TP63: variants seen among roughly 807,000 people sequenced by gnomAD.
TP63 encodes tumor protein p63.
In TP63, 17 loss-of-function variants were observed where a neutral mutation model predicts 82.8. The observed-to-expected ratio is 0.21, with a 90% CI of 0.14 to 0.31. The LOEUF is 0.31. Among genes scored for constraint, TP63 ranks in the 10% least tolerant of loss-of-function variants. TP63 has a pLI of 1.00. For missense variants in TP63, 648 were observed against 895.3 expected, an observed-to-expected ratio of 0.72 and a Z score of 3.52; for synonymous variants, 330 against 321.7, an observed-to-expected ratio of 1.03 and a Z score of -0.28.
chr3:189,864,405 T>C lies in TP63; in HGVS notation c.753T>C (p.Arg251=), dbSNP rs772334168. 5.6e-6 allele frequency: 9 copies of C among 1,613,138 alleles called. No individual in the cohort carries two copies. In the Admixed American group the frequency reaches 1.2e-4, roughly 21 times the overall value. The change falls in exon 5 of 14, where the codon CGT becomes CGC. Residue 251 remains arginine, a synonymous_variant. Transcript: ENST00000264731. ...GGTGCCCCAACCATGAGCTGAGCCG[T>C]GAATTCAACGAGGGTAAGCAGAATT... ...VKRCPNHELS[R]EFNEGQIAPP...
Position 189,889,350 on chromosome 3 carries a change from G to A in TP63, c.1518G>A (p.Met506Ile), listed in dbSNP as rs1419776229. 5.0e-6 allele frequency: 8 copies of A among 1,614,020 alleles called. No individual in the cohort carries two copies. Among genetic ancestry groups the A allele is most frequent in the Non-Finnish European group, 6.8e-6 (8 of 1,180,014 alleles). Reference protein sequence around the residue: ...PDGMGANIPMMGTHMPMAGDM... With the variant: ...PDGMGANIPMIGTHMPMAGDM... The stretch of plus-strand genomic sequence containing the variant: ...CCTGCTTCTGTTCAGTTCCCATGAT[G>A]GGCACCCACATGCCAATGGCTGGAG... The change falls in exon 12 of 14, where the codon ATG (methionine) becomes ATA (isoleucine). Residue 506 changes from methionine to isoleucine, a missense_variant. This residue lies in a region of TP63 where 342 missense variants were observed against 425.7 expected (regional missense o/e 0.80). Transcript: ENST00000264731.
At chr3:189,723,209 C>G (rs1398072384) in intron 1 of TP63, among the ~76,000 whole-genome samples, 3 of 152,174 alleles carry the variant, frequency 2.0e-5, no homozygotes, top group Non-Finnish European at 2.9e-5. Context: ...CTCCTTCTCA[C>G]CATTACAGAT....
chr3:189,733,315 C>A (rs1311426244), intron 1 of TP63, among the ~76,000 whole-genome samples: 1 of 152,198 alleles, frequency 6.6e-6, no homozygotes, highest in African/African-American at 2.4e-5. Context: ...ACACTCTTTT[C>A]TGAATCTGCC....
chr3:189,896,976 C>CTT lies in TP63; in HGVS notation c.*2483_*2484dup. 6 of 213,816 alleles carry CTT rather than the reference C, an allele frequency of 2.8e-5. No individual in the cohort carries two copies. Among genetic ancestry groups the CTT allele is most frequent in the Non-Finnish European group, 5.6e-5 (6 of 107,162 alleles). The allele number at this position is 213,816 out of a possible 1,614,324, so 13.2% of individuals were successfully genotyped here. ...CAGAGTTTTCATTAAATCCTTTTAC[C>CTT]TTTTTTTTTTCTTGGTAATCCCCTA... is the stretch of plus-strand genomic sequence containing the variant. On this transcript the variant is annotated 3_prime_UTR_variant, in exon 14 of 14. Transcript: ENST00000264731.
intron 3 of TP63, among the ~76,000 whole-genome samples, chr3:189,799,062 T>A (rs1020517930): frequency 1.3e-5 from 2 of 152,130 alleles, no homozygotes; most frequent in Admixed American, 1.3e-4. Context: ...ATGCCTATAG[T>A]CTAACAAGAT....
chr3:189,683,362 G>A (rs1220609006), intron 1 of TP63, among the ~76,000 whole-genome samples: 1 of 152,106 alleles, frequency 6.6e-6, no homozygotes, highest in Non-Finnish European at 1.5e-5. Flanking sequence ...GTCAGTATGT[G>A]GCAGAGCTAA....
At position 189,689,692 on chromosome 3, in the gene TP63, A is replaced by G. The variant is rs182743114; in HGVS notation, c.63-48048A>G. On this transcript the variant is annotated intron_variant, in intron 1 of 13. Transcript: ENST00000264731. ...AAAAAAGGATAGGTAACATTGGTCT[A>G]TGTCCTAGATTACTGCTCATTGTGG... Among the ~76,000 whole-genome samples the G allele has an allele frequency of 2.0e-4, 31 of 152,266 alleles. No homozygotes were observed. In the East Asian group the frequency reaches 3.5e-3, roughly 17 times the overall value.
At position 189,894,264 on chromosome 3, in the gene TP63, T is replaced by A. The variant is rs760032006; in HGVS notation, c.1805T>A (p.Leu602Gln). The A allele has an allele frequency of 6.2e-6, 10 of 1,613,872 alleles. No homozygotes were observed. Among genetic ancestry groups the A allele is most frequent in the Non-Finnish European group, 8.5e-6 (10 of 1,179,982 alleles). The change falls in exon 14 of 14, where the codon CTG becomes CAG. Residue 602 changes from leucine to glutamine, a missense_variant. Physicochemically the swap from Leu to Gln is moderately radical, Grantham distance 113 (BLOSUM62 -2). This residue lies in a region of TP63 where 342 missense variants were observed against 425.7 expected (regional missense o/e 0.80). Transcript: ENST00000264731. ...QFRHAIWKGILDHRQLHEFSS... is the reference protein window; with the variant it reads ...QFRHAIWKGIQDHRQLHEFSS... ...CGACATGCGATCTGGAAGGGCATCC[T>A]GGACCACCGGCAGCTCCACGAATTC...
At chr3:189,623,303 AC>A in the TP63 span, among the ~76,000 whole-genome samples, 1 of 152,174 alleles carries the variant, frequency 6.6e-6, no homozygotes, top group Non-Finnish European at 1.5e-5. Flanking sequence ...ATGGGCTCAA[AC>A]TAACCAAGGG....
chr3:189,853,853 CTA>C (rs955927484), intron 4 of TP63, among the ~76,000 whole-genome samples: 1 of 152,156 alleles, frequency 6.6e-6, no homozygotes, highest in Non-Finnish European at 1.5e-5. Flanking sequence ...GTTAATTGTT[CTA>C]TCTCTGTAAT....
rs138461495 is a variant in TP63 at position 189,699,514 on chromosome 3, G to A, written c.63-38226G>A. The stretch of plus-strand genomic sequence containing the variant: ...TGATTCTAAAACATTGAGCCTGAAT[G>A]CAAGTACCATCAGCCCATCATCCAG... On this transcript the variant is annotated intron_variant, in intron 1 of 13. Coordinates refer to ENST00000264731, the MANE Select transcript of TP63 (RefSeq NM_003722.5). 2.0e-3 allele frequency among the ~76,000 whole-genome samples: 306 copies of A among 152,258 alleles called. 2 individuals are homozygous for A. The highest frequency in any genetic ancestry group is 3.0e-3 in the Non-Finnish European group (207 of 68,014).
chr3:189,862,623 G>T (rs1230712800), intron 4 of TP63, among the ~76,000 whole-genome samples: 1 of 152,134 alleles, frequency 6.6e-6, no homozygotes, highest in Non-Finnish European at 1.5e-5. Flanking sequence ...TTCATGGTTA[G>T]ATTATGCGTT....
intron 3 of TP63, among the ~76,000 whole-genome samples, chr3:189,785,689 C>A (rs1724549146): frequency 6.6e-6 from 1 of 151,966 alleles, no homozygotes; most frequent in South Asian, 2.1e-4. Flanking sequence ...GAAAGTGAAG[C>A]TGAAATGGTA....
At chr3:189,809,315 C>A (rs1458532141) in intron 4 of TP63, among the ~76,000 whole-genome samples, 3 of 152,038 alleles carry the variant, frequency 2.0e-5, no homozygotes, top group Non-Finnish European at 1.5e-5. Context: ...TTTAAAAAAT[C>A]TTTCTGTATA....
At chr3:189,714,737 CAA>C (rs558408026) in intron 1 of TP63, among the ~76,000 whole-genome samples, 133 of 152,212 alleles carry the variant, frequency 8.7e-4, no homozygotes, top group African/African-American at 2.8e-3. Flanking sequence ...ACATAAATGA[CAA>C]AGAGTTAATT....
At chr3:189,882,037 T>A (rs1030180895) in intron 10 of TP63, among the ~76,000 whole-genome samples, 2 of 151,628 alleles carry the variant, frequency 1.3e-5, no homozygotes, top group Admixed American at 1.3e-4. Context: ...AAAATTAGTA[T>A]TTTAGATAAA....
chr3:189,630,217 T>C (rs148359867), upstream of TP63, among the ~76,000 whole-genome samples: 1 of 152,258 alleles, frequency 6.6e-6, no homozygotes, highest in East Asian at 1.9e-4. Context: ...TGTCACCTAT[T>C]TACAGGTGTG....
chr3:189,674,034 C>T (rs9812619), intron 1 of TP63, among the ~76,000 whole-genome samples: 267 of 151,872 alleles, frequency 1.8e-3, no homozygotes, highest in Non-Finnish European at 3.2e-3. Context: ...TGATTGATAG[C>T]GTAAGTGAAG....
intron 9 of TP63, among the ~76,000 whole-genome samples, chr3:189,872,014 C>T (rs1212187929): frequency 6.6e-6 from 1 of 152,134 alleles, no homozygotes; most frequent in Non-Finnish European, 1.5e-5. Flanking sequence ...GGCCCCTGCT[C>T]ATAATTGTAA....
Sources: allele counts gnomAD v4.1 joint callset (sites outside exome capture counted in the v4.1 genomes callset), GRCh38; gene constraint gnomAD v4.1.1; regional missense constraint gnomAD v4.1.1; transcripts MANE v1.5; gene names NCBI Gene and HGNC (gene_info 2026-07-23, HGNC 2026-07-21).